Variants in TMEM43 observed in about 807,000 individuals in gnomAD.
TMEM43 encodes transmembrane protein 43.
TMEM43 carries 45 observed loss-of-function variants against 49.6 expected under a neutral mutation model. The observed-to-expected ratio is 0.91, with a 90% CI of 0.71 to 1.16. The LOEUF is 1.16. Ranked by LOEUF, TMEM43 falls within the 50% of genes most tolerant of loss-of-function variation. The probability of loss-of-function intolerance (pLI) is 0.00; values close to 1 mark genes in which losing one functional copy is unlikely to be tolerated. For missense variants in TMEM43, 532 were observed against 516.6 expected (o/e 1.03, Z -0.29); for synonymous variants, 199 against 207.8 (o/e 0.96, Z 0.36).
chr3:14,135,961 C>T (rs1356997745), intron 10 of TMEM43, 53 bp downstream of exon 10: 2 of 1,453,946 alleles, frequency 1.4e-6, no homozygotes, highest in South Asian at 2.3e-5. Flanking sequence ...TCCTTCCTTC[C>T]TTCCAGTGGT....
Position 14,135,032 on chromosome 3 carries a change from C to T in TMEM43, c.706-126C>T, listed in dbSNP as rs541090316. The T allele has an allele frequency of 1.6e-4, 240 of 1,494,002 alleles. No individual in the cohort carries two copies. The South Asian group carries it at 2.2e-3, about 13-fold the overall frequency. The allele number at this position is 1,494,002 out of a possible 1,614,324, so 92.5% of individuals were successfully genotyped here. Reference sequence around the variant, plus strand: ...TGAGTGGGAGAGGCCCTCTGGGTGACGGCACAGCCTGGGCACGGGTGTGGA... The same window carrying T: ...TGAGTGGGAGAGGCCCTCTGGGTGATGGCACAGCCTGGGCACGGGTGTGGA... On this transcript the variant is annotated intron_variant, in intron 8 of 11. Transcript: ENST00000306077.
chr3:14,135,339 G>A, intron 9 of TMEM43, 107 bp downstream of exon 9: 2 of 932,878 alleles, frequency 2.1e-6, no homozygotes, highest in Non-Finnish European at 3.4e-6. Flanking sequence ...TTTCCCTGGG[G>A]AAAGGCACAC....
chr3:14,129,333 A>T, intron 1 of TMEM43, 79 bp from the exon 2 acceptor site: 2 of 975,736 alleles, frequency 2.0e-6, no homozygotes, highest in Non-Finnish European at 2.9e-6. Context: ...AAAAAAAAAA[A>T]ATTGAGTATA....
intron 2 of TMEM43, among the ~76,000 whole-genome samples, chr3:14,130,266 G>A (rs77524308): frequency 6.6e-6 from 1 of 152,018 alleles, no homozygotes; most frequent in Admixed American, 6.5e-5. Context: ...GCACTCACAT[G>A]TTCTGACTGG....
At position 14,127,093 on chromosome 3, in the gene TMEM43, G is replaced by A. The variant is rs186543144; in HGVS notation, c.12+1888G>A. Among the ~76,000 whole-genome samples the A allele has an allele frequency of 2.6e-5, 4 of 152,252 alleles. No individual in the cohort carries two copies. In the East Asian group the frequency reaches 7.7e-4, roughly 29 times the overall value. ...TTCTAAGTCCTGAGTGCTAGGACTG[G>A]GAGGGGATGTGTCACTGGGGATGTC... On this transcript the variant is annotated intron_variant, in intron 1 of 11. Coordinates refer to ENST00000306077, the MANE Select transcript of TMEM43 (RefSeq NM_024334.3).
chr3:14,129,212 T>G, intron 1 of TMEM43, 200 bp from the exon 2 acceptor site: 1 of 501,646 alleles, frequency 2.0e-6, no homozygotes, highest in Non-Finnish European at 3.5e-6. Context: ...TTTTGTACCT[T>G]GCTTTAGATG....
chr3:14,135,354 G>T (rs1057025636), intron 9 of TMEM43, 122 bp downstream of exon 9: 2 of 818,858 alleles, frequency 2.4e-6, no homozygotes, highest in African/African-American at 3.4e-5. Context: ...GCACACTCTC[G>T]CACACACTCT....
rs559271953 is a variant in TMEM43 at position 14,132,559 on chromosome 3, G to A, written c.406G>A (p.Asp136Asn). 8.7e-6 allele frequency: 14 copies of A among 1,614,160 alleles called. No individual in the cohort carries two copies. Among genetic ancestry groups the A allele is most frequent in the African/African-American group, 8.0e-5 (6 of 75,050 alleles). ...ETEESREYTEDGQVKKETRYS... is the reference protein window; with the variant it reads ...ETEESREYTENGQVKKETRYS... ...CTTTCCCTGCAGGGAGTACACCGAG[G>A]ATGGGCAGGTGAAGAAGGAGACGAG... The change falls in exon 5 of 12, where the codon GAT becomes AAT. Residue 136 changes from aspartate to asparagine, a missense_variant. By Grantham distance (23) the Asp-to-Asn change is conservative. Transcript: ENST00000306077.
rs1475378271 is a variant in TMEM43 at position 14,129,132 on chromosome 3, T to A, written c.13-280T>A. ...ATTCTCCCCATCCCCACCAGTTACC[T>A]CTGGTTGGTGGAGAGGGGGAGAATT... On this transcript the variant is annotated intron_variant, in intron 1 of 11. Transcript: ENST00000306077. The A allele has an allele frequency of 1.3e-5, 5 of 397,754 alleles. No homozygotes were observed. The Admixed American group carries it at 1.8e-4, about 14-fold the overall frequency. The allele number at this position is 397,754 out of a possible 1,614,324, so 24.6% of individuals were successfully genotyped here.
intron 6 of TMEM43, 82 bp downstream of exon 6, chr3:14,133,017 G>A: frequency 8.2e-7 from 1 of 1,218,606 alleles, no homozygotes; most frequent in Non-Finnish European, 1.2e-6. Context: ...CTGAATAACA[G>A]GATTGAGTTA....
chr3:14,137,527 A>C (rs1695186257), intron 10 of TMEM43, among the ~76,000 whole-genome samples: 1 of 151,648 alleles, frequency 6.6e-6, no homozygotes, highest in South Asian at 2.1e-4. Context: ...CCCAGCCCCC[A>C]CCCCCACACA....
chr3:14,142,091 G>A lies in TMEM43; in HGVS notation c.*296G>A, dbSNP rs569662640. On this transcript the variant is annotated 3_prime_UTR_variant, in exon 12 of 12. Transcript: ENST00000306077. ...TCCTCTCTTGGACTGAGTGGGTACGGCCAGCCACTCAGCCCATTGGCAGCT... is the reference window on the plus strand; with the variant it reads ...TCCTCTCTTGGACTGAGTGGGTACGACCAGCCACTCAGCCCATTGGCAGCT... 8.8e-6 allele frequency: 4 copies of A among 455,686 alleles called. No individual in the cohort carries two copies. In the East Asian group the frequency reaches 1.7e-4, roughly 19 times the overall value. The allele number at this position is 455,686 out of a possible 1,614,324, so 28.2% of individuals were successfully genotyped here.
chr3:14,134,896 G>T lies in TMEM43; in HGVS notation c.705+5G>T, dbSNP rs754716462. The T allele has an allele frequency of 1.9e-6, 3 of 1,614,048 alleles. No homozygotes were observed. The African/African-American group carries it at 4.0e-5, about 22-fold the overall frequency. ...GAAAATCCCAAGTATCCAGAGGTGT[G>T]CGGAGAGGCCTGGGCTCTCCAAATA... On this transcript the variant is annotated splice_donor_5th_base_variant and intron_variant, in intron 8 of 11. Transcript: ENST00000306077.
chr3:14,133,869 G>A (rs962477184), intron 7 of TMEM43, 60 bp downstream of exon 7: 47 of 1,452,680 alleles, frequency 3.2e-5, no homozygotes, highest in East Asian at 1.6e-4. Flanking sequence ...CCCTAGGGCC[G>A]GAGCTCCCAG....
intron 6 of TMEM43, among the ~76,000 whole-genome samples, chr3:14,133,187 C>T (rs941251363): frequency 6.6e-6 from 1 of 152,226 alleles, no homozygotes; most frequent in African/African-American, 2.4e-5. Context: ...GGGATTTGCA[C>T]ACACGGGGCC....
In TMEM43 at chr3:14,138,840, C is replaced by T. The variant is rs114149034; in HGVS notation, c.883-340C>T. Among the ~76,000 whole-genome samples the T allele has an allele frequency of 9.0e-3, 1,367 of 152,324 alleles. 20 individuals are homozygous for T. The highest frequency in any genetic ancestry group is 0.031 in the African/African-American group (1,282 of 41,580). ...GAGATTAAACAGATCACACACATAG[C>T]GCAGAGCATGCTGCCCAGCAGACAT... On this transcript the variant is annotated intron_variant, in intron 10 of 11. Transcript: ENST00000306077.
At chr3:14,130,077 C>T (rs1055361817) in intron 2 of TMEM43, among the ~76,000 whole-genome samples, 1 of 141,266 alleles carries the variant, frequency 7.1e-6, no homozygotes, top group Non-Finnish European at 1.5e-5. Flanking sequence ...CTCTTTCTCT[C>T]TTTCTTGTTT....
Position 14,143,238 on chromosome 3 carries a change from T to C in TMEM43, c.*1443T>C, listed in dbSNP as rs1300225536. 2.0e-5 allele frequency: 3 copies of C among 152,234 alleles called. No homozygotes were observed. Among genetic ancestry groups the C allele is most frequent in the African/African-American group, 7.2e-5 (3 of 41,456 alleles). 9.4% of individuals were successfully genotyped at this position (152,234 alleles called of 1,614,324 possible). ...ACCGTTTTGTGCCTGCTGGGAGTAA[T>C]TCCTTTAGCAATTAAGTATTTGGTA... is the stretch of plus-strand genomic sequence containing the variant. On this transcript the variant is annotated 3_prime_UTR_variant, in exon 12 of 12. Transcript: ENST00000306077.
chr3:14,125,329 C>A (rs916727632), intron 1 of TMEM43, 124 bp downstream of exon 1: 3 of 1,188,778 alleles, frequency 2.5e-6, no homozygotes, highest in Non-Finnish European at 3.6e-6. Flanking sequence ...CCCGCATCTC[C>A]CTCTGCTCGC....
Sources: gnomAD v4.1 joint callset for allele counts (sites outside exome capture counted in the v4.1 genomes callset) on GRCh38, gnomAD v4.1.1 for gene constraint, MANE v1.5 for transcripts, NCBI Gene and HGNC (gene_info 2026-07-23, HGNC 2026-07-21) for gene names.